PCDH15: variants seen among roughly 807,000 people sequenced by gnomAD.
PCDH15 encodes protocadherin related 15.
A neutral mutation model predicts 178.5 loss-of-function variants in PCDH15; 129 were observed. The ratio of observed to expected loss-of-function variants is 0.72; its 90% CI spans 0.63 to 0.84. PCDH15 has a LOEUF of 0.84. Among genes scored for constraint, PCDH15 ranks in the 40% least tolerant of loss-of-function variants. The probability of loss-of-function intolerance (pLI) is 0.00; values close to 1 mark genes in which losing one functional copy is unlikely to be tolerated. For synonymous variants in PCDH15, 800 were observed against 732.0 expected, an observed-to-expected ratio of 1.09 and a Z score of -1.50; for missense variants, 2,230 against 2,099.9, an observed-to-expected ratio of 1.06 and a Z score of -1.21.
intron 2 of PCDH15, among the ~76,000 whole-genome samples, chr10:55,106,555 A>G (rs1160520928): frequency 6.6e-6 from 1 of 152,100 alleles, no homozygotes; most frequent in African/African-American, 2.4e-5. Context: ...AGCTGGGATT[A>G]CAGGCACTCG....
In PCDH15 at chr10:54,992,475, G is replaced by A. The variant is rs144325161; in HGVS notation, c.-79-94975C>T. Among the ~76,000 whole-genome samples, 634 of 152,192 alleles carry A rather than the reference G, an allele frequency of 4.2e-3. 12 individuals carry two copies. The highest frequency in any genetic ancestry group is 3.4e-3 in the Middle Eastern group (1 of 292). ...CCAGTGAAAAAGGGTGAAGTTGATC[G>A]GGCGCAGCGGCTGACGTCTGTAATC... On this transcript the variant is annotated intron_variant, in intron 2 of 5. Transcript: ENST00000458638.
chr10:54,329,683 A>T lies in PCDH15; in HGVS notation c.618T>A (p.Ile206=), dbSNP rs1465116439. Residue 206 remains isoleucine (I), a synonymous_variant, in exon 7 of 38, where the codon ATT becomes ATA. Transcript: ENST00000644397. ...DDPTSNDTFE[I]PLMLTGNIVL... The stretch of plus-strand genomic sequence containing the variant: ...CTATATTTCCAGTCAACATTAGGGG[A>T]ATTTCAAAGGTGTCATTGGATGTCT... 1.2e-6 allele frequency: 2 copies of T among 1,603,488 alleles called. No individual in the cohort carries two copies. The highest frequency in any genetic ancestry group is 1.7e-5 in the Admixed American group (1 of 59,886).
intron 2 of PCDH15, among the ~76,000 whole-genome samples, chr10:54,622,618 AATAT>A (rs1248784783): frequency 2.1e-4 from 20 of 97,050 alleles, no homozygotes; most frequent in South Asian, 1.2e-3. Context: ...AATTATATAT[AATAT>A]ATATAATATA....
intron 18 of PCDH15, among the ~76,000 whole-genome samples, chr10:54,059,077 T>C (rs1044227402): frequency 2.0e-5 from 3 of 152,190 alleles, no homozygotes; most frequent in Admixed American, 1.3e-4. Flanking sequence ...TCTCAGCCTC[T>C]GGTATCTATC....
intron 2 of PCDH15, among the ~76,000 whole-genome samples, chr10:55,028,511 A>C (rs942937285): frequency 6.6e-6 from 1 of 152,030 alleles, no homozygotes; most frequent in African/African-American, 2.4e-5. Flanking sequence ...GAAATTCAAT[A>C]ACATATCGTG....
intron 2 of PCDH15, among the ~76,000 whole-genome samples, chr10:54,572,349 G>A (rs951434): frequency 0.95 from 144,490 of 152,174 alleles, 68,729 homozygotes; most frequent in Middle Eastern, 0.98. Context: ...AACATCAAAC[G>A]CTAGGAGAAT....
intron 2 of PCDH15, among the ~76,000 whole-genome samples, chr10:54,574,783 A>G (rs1590206913): frequency 2.0e-5 from 3 of 149,530 alleles, no homozygotes; most frequent in East Asian, 4.0e-4. Context: ...CATTTGACTC[A>G]GCCATCCCAT....
intron 2 of PCDH15, among the ~76,000 whole-genome samples, chr10:54,948,114 T>C (rs1947446): frequency 0.2 from 30,469 of 151,932 alleles, 3,591 homozygotes; most frequent in Non-Finnish European, 0.27. Context: ...TCATAGACTA[T>C]TTGTATACAT....
chr10:54,203,328 G>A (rs968469542), intron 10 of PCDH15, among the ~76,000 whole-genome samples: 2 of 152,144 alleles, frequency 1.3e-5, no homozygotes, highest in Non-Finnish European at 2.9e-5. Flanking sequence ...AAATCCTCTT[G>A]ACATTCCATT....
At chr10:55,304,496 G>A (rs2132281640) in intron 1 of PCDH15, among the ~76,000 whole-genome samples, 1 of 152,140 alleles carries the variant, frequency 6.6e-6, no homozygotes, top group South Asian at 2.1e-4. Context: ...AACATAACAT[G>A]TTTTTAAGTT....
chr10:53,857,584 G>C (rs2078839564), intron 27 of PCDH15, among the ~76,000 whole-genome samples: 1 of 151,196 alleles, frequency 6.6e-6, no homozygotes. Context: ...TTTTTAATTT[G>C]ATTGTTAAGG....
intron 3 of PCDH15, among the ~76,000 whole-genome samples, chr10:54,845,624 T>C (rs911184487): frequency 5.9e-5 from 9 of 152,040 alleles, no homozygotes. Flanking sequence ...CTTAAGAGAA[T>C]TGAAGTTTTC....
intron 2 of PCDH15, among the ~76,000 whole-genome samples, chr10:55,118,895 G>T (rs539604581): frequency 6.6e-6 from 1 of 152,136 alleles, no homozygotes; most frequent in South Asian, 2.1e-4. Flanking sequence ...CTTACGAAGA[G>T]ATTTCAAAAC....
At chr10:54,582,171 G>T (rs140199951) in intron 2 of PCDH15, among the ~76,000 whole-genome samples, 1,919 of 152,162 alleles carry the variant, frequency 0.013, 41 homozygotes, top group African/African-American at 0.044. Context: ...GAAAATATTT[G>T]TGAATTCTGC....
intron 3 of PCDH15, among the ~76,000 whole-genome samples, chr10:54,497,640 A>G (rs1474361251): frequency 6.6e-6 from 1 of 152,202 alleles, no homozygotes; most frequent in Admixed American, 6.6e-5. Flanking sequence ...CAGCAATTTC[A>G]GAATATGATT....
intron 2 of PCDH15, among the ~76,000 whole-genome samples, chr10:55,388,630 T>C (rs1837719857): frequency 1.3e-5 from 2 of 152,134 alleles, no homozygotes; most frequent in South Asian, 2.1e-4. Context: ...GGATTCTTTA[T>C]TAGAAACTGA....
chr10:54,555,949 C>T lies in PCDH15; in HGVS notation c.92-28072G>A, dbSNP rs991228172. On this transcript the variant is annotated intron_variant, in intron 2 of 37. Coordinates refer to ENST00000644397, the MANE Select transcript of PCDH15 (RefSeq NM_001384140.1). ...TGACCCATTTAAGCCTCCATCTACA[C>T]TTGCCCTCTACAACCAAAGGGAAAG... Among the ~76,000 whole-genome samples the T allele has an allele frequency of 6.3e-5, 9 of 143,008 alleles. No individual in the cohort carries two copies. The East Asian group carries it at 2.1e-3, about 33-fold the overall frequency. 93.8% of individuals were successfully genotyped at this position (143,008 alleles called of 152,430 possible).
chr10:55,519,181 T>A (rs1040330320), intron 2 of PCDH15, among the ~76,000 whole-genome samples: 19 of 150,192 alleles, frequency 1.3e-4, no homozygotes, highest in Middle Eastern at 3.2e-3. Context: ...CCCTCAGGTT[T>A]ATTTAAAATA....
chr10:54,258,012 T>TAA (rs967357302), intron 8 of PCDH15, among the ~76,000 whole-genome samples: 1 of 151,610 alleles, frequency 6.6e-6, no homozygotes, highest in African/African-American at 2.4e-5. Flanking sequence ...GCTTAACGAT[T>TAA]AAAAAAAAAT....
Sources: gnomAD v4.1 joint callset for allele counts (sites outside exome capture counted in the v4.1 genomes callset) on GRCh38, gnomAD v4.1.1 for gene constraint, MANE v1.5 for transcripts, NCBI Gene and HGNC (gene_info 2026-07-23, HGNC 2026-07-21) for gene names.